USP38: variants seen among roughly 807,000 people sequenced by gnomAD.
USP38 encodes the protein ubiquitin carboxyl-terminal hydrolase 38.
A neutral mutation model predicts 94.3 loss-of-function variants in USP38; 49 were observed. The observed-to-expected ratio is 0.52, with a 90% CI of 0.41 to 0.66. The LOEUF is 0.66. USP38 is among the 30% of genes least tolerant of loss of function. USP38 has a pLI of 0.00. For missense variants in USP38, 1,128 were observed against 1,229.4 expected (o/e 0.92, Z 1.23); for synonymous variants, 468 against 463.6 (o/e 1.01, Z -0.12).
In USP38 at chr4:143,187,964, ACTT is replaced by A. The variant is rs1243119019; in HGVS notation, c.818+8_818+10del. 1.2e-6 allele frequency: 2 copies of A among 1,608,848 alleles called. No individual in the cohort carries two copies. Among genetic ancestry groups the A allele is most frequent in the Admixed American group, 1.7e-5 (1 of 58,640 alleles). On this transcript the variant is annotated splice_donor_5th_base_variant and intron_variant, in intron 2 of 9. Transcript: ENST00000307017. ...AGTATGACCCAAGCCCTTTGCAGGTACTTCTTCATGACACTATTAATGGTAATT... is the reference window on the plus strand; with the variant it reads ...AGTATGACCCAAGCCCTTTGCAGGTACTTCATGACACTATTAATGGTAATT...
chr4:143,203,267 CTT>C, intron 4 of USP38, 139 bp from the exon 5 acceptor site: 1 of 843,928 alleles, frequency 1.2e-6, no homozygotes, highest in Non-Finnish European at 1.8e-6. Context: ...AAATGTTTAA[CTT>C]AATAACAAGA....
At chr4:143,196,186 G>A (rs534011917) in intron 3 of USP38, among the ~76,000 whole-genome samples, 1 of 152,202 alleles carries the variant, frequency 6.6e-6, no homozygotes, top group South Asian at 2.1e-4. Context: ...CATGCCTGTA[G>A]TCCCAGCTGC....
intron 9 of USP38, among the ~76,000 whole-genome samples, chr4:143,219,816 A>G (rs972672632): frequency 7.9e-5 from 12 of 152,024 alleles, no homozygotes; most frequent in Admixed American, 2.0e-4. Flanking sequence ...GATAAATATG[A>G]CTGATTTCTG....
At chr4:143,203,315 C>A in intron 4 of USP38, 93 bp from the exon 5 acceptor site, 2 of 1,245,146 alleles carry the variant, frequency 1.6e-6, no homozygotes, top group South Asian at 1.5e-5. Flanking sequence ...AAAGTATCTG[C>A]TGATCATATA....
Position 143,197,935 on chromosome 4 carries a change from A to T in USP38, c.1050+11A>T. ...GAGGCGTTCCATTTGGTAAGTTATGACATAAACGTTCTACTTTGAAAAAGC... is the reference window on the plus strand; with the variant it reads ...GAGGCGTTCCATTTGGTAAGTTATGTCATAAACGTTCTACTTTGAAAAAGC... On this transcript the variant is annotated intron_variant, in intron 4 of 9. Transcript: ENST00000307017. 5 of 1,576,658 alleles carry T rather than the reference A, an allele frequency of 3.2e-6. No individual in the cohort carries two copies. Among genetic ancestry groups the T allele is most frequent in the South Asian group, 2.3e-5 (2 of 85,552 alleles).
chr4:143,203,294 G>A, intron 4 of USP38, 114 bp from the exon 5 acceptor site: 2 of 1,023,698 alleles, frequency 2.0e-6, no homozygotes, highest in Non-Finnish European at 2.8e-6. Context: ...CTCTGTGACT[G>A]CACATACAGA....
intron 2 of USP38, among the ~76,000 whole-genome samples, chr4:143,191,606 G>C (rs1378173919): frequency 1.3e-5 from 2 of 152,118 alleles, no homozygotes; most frequent in African/African-American, 4.8e-5. Context: ...TACTGTTATG[G>C]TTTTAAAGTT....
At chr4:143,213,433 T>A in intron 8 of USP38, 148 bp from the exon 9 acceptor site, 1 of 916,970 alleles carries the variant, frequency 1.1e-6, no homozygotes, top group Non-Finnish European at 1.6e-6. Flanking sequence ...TCAAAACTGT[T>A]CAATTTTCTT....
chr4:143,209,826 A>ATT (rs148666231), intron 7 of USP38, among the ~76,000 whole-genome samples, 169 bp downstream of exon 7: 1 of 151,660 alleles, frequency 6.6e-6, no homozygotes, highest in Non-Finnish European at 1.5e-5. Flanking sequence ...AAATATCTAG[A>ATT]TTTTTTTTAT....
chr4:143,188,951 A>T (rs1027690063), intron 2 of USP38, among the ~76,000 whole-genome samples: 1 of 152,090 alleles, frequency 6.6e-6, no homozygotes, highest in Non-Finnish European at 1.5e-5. Context: ...TATGCATCTT[A>T]AAATTGGTTT....
intron 2 of USP38, among the ~76,000 whole-genome samples, chr4:143,188,311 A>T (rs1462103357): frequency 1.3e-5 from 2 of 151,784 alleles, no homozygotes; most frequent in African/African-American, 4.8e-5. Context: ...CTTCCTTAGT[A>T]AGTATATACT....
chr4:143,202,845 G>C (rs528622526), intron 4 of USP38, among the ~76,000 whole-genome samples: 23 of 152,050 alleles, frequency 1.5e-4, no homozygotes, highest in African/African-American at 4.6e-4. Flanking sequence ...GGATTTGTTA[G>C]TAAGAATAGC....
At chr4:143,219,060 C>T (rs1732256605) in intron 9 of USP38, among the ~76,000 whole-genome samples, 1 of 151,942 alleles carries the variant, frequency 6.6e-6, no homozygotes, top group Non-Finnish European at 1.5e-5. Context: ...ACCAAAGAGC[C>T]AGCAATTTTA....
At chr4:143,191,366 G>T (rs1731392301) in intron 2 of USP38, among the ~76,000 whole-genome samples, 1 of 152,172 alleles carries the variant, frequency 6.6e-6, no homozygotes, top group African/African-American at 2.4e-5. Flanking sequence ...AAGTCCAGTT[G>T]TCTGTTAATA....
At chr4:143,188,287 GTTT>G (rs923967321) in intron 2 of USP38, among the ~76,000 whole-genome samples, 3 of 149,542 alleles carry the variant, frequency 2.0e-5, no homozygotes, top group Non-Finnish European at 4.5e-5. Context: ...TTTCTTCTGC[GTTT>G]TTTTTTCTTT....
chr4:143,215,198 C>T (rs1323104561), intron 9 of USP38: 3 of 446,938 alleles, frequency 6.7e-6, no homozygotes, highest in Non-Finnish European at 1.2e-5. Flanking sequence ...ATTCTGAAAT[C>T]ATGCCATACA....
At chr4:143,207,884 G>A (rs61165291) in intron 6 of USP38, among the ~76,000 whole-genome samples, 4,379 of 152,136 alleles carry the variant, frequency 0.029, 189 homozygotes, top group African/African-American at 0.1. Context: ...CTCTGAATGG[G>A]AAGACAGCAT....
At chr4:143,188,476 G>GT (rs1731296320) in intron 2 of USP38, among the ~76,000 whole-genome samples, 1 of 151,914 alleles carries the variant, frequency 6.6e-6, no homozygotes, top group Non-Finnish European at 1.5e-5. Context: ...AAATAATACT[G>GT]TATTACCTTT....
chr4:143,192,855 A>G (rs1362243429), intron 2 of USP38, among the ~76,000 whole-genome samples: 1 of 152,240 alleles, frequency 6.6e-6, no homozygotes, highest in Non-Finnish European at 1.5e-5. Flanking sequence ...AGATTGGCAT[A>G]CATGAAATAA....
Sources: allele counts gnomAD v4.1 joint callset (sites outside exome capture counted in the v4.1 genomes callset), GRCh38; gene constraint gnomAD v4.1.1; transcripts MANE v1.5; gene names NCBI Gene and HGNC (gene_info 2026-07-23, HGNC 2026-07-21).